MTUS1: variants seen among roughly 807,000 people sequenced by gnomAD.
The protein encoded by MTUS1 is microtubule-associated tumor suppressor 1.
A neutral mutation model predicts 120.8 loss-of-function variants in MTUS1; 109 were observed. The ratio of observed to expected loss-of-function variants is 0.90; its 90% CI spans 0.77 to 1.06. The LOEUF (loss-of-function observed/expected upper bound fraction) is 1.06, where lower values mean the gene tolerates loss of function less well. Ranked by LOEUF, MTUS1 falls within the 50% of genes least tolerant of loss-of-function variation. MTUS1 has a pLI of 0.00. For synonymous variants in MTUS1, 737 were observed against 550.5 expected (o/e 1.34, Z -4.74); for missense variants, 2,210 against 1,486.3 (o/e 1.49, Z -8.01).
At chr8:17,739,580 T>C (rs2047167870) in intron 3 of MTUS1, among the ~76,000 whole-genome samples, 1 of 152,222 alleles carries the variant, frequency 6.6e-6, no homozygotes, top group South Asian at 2.1e-4. Context: ...AATGTGTTGG[T>C]TAACAGCATC....
At chr8:17,713,949 T>C in intron 5 of MTUS1, among the ~76,000 whole-genome samples, 1 of 152,210 alleles carries the variant, frequency 6.6e-6, no homozygotes, top group East Asian at 1.9e-4. Flanking sequence ...CGACATAACC[T>C]ATCCATTCAA....
At chr8:17,727,912 C>T (rs1399015440) in intron 3 of MTUS1, among the ~76,000 whole-genome samples, 1 of 152,164 alleles carries the variant, frequency 6.6e-6, no homozygotes, top group Non-Finnish European at 1.5e-5. Context: ...GATAGTAACA[C>T]AGTCTATTGG....
intron 8 of MTUS1, among the ~76,000 whole-genome samples, chr8:17,659,636 T>TA (rs2130366783): frequency 6.6e-6 from 1 of 152,178 alleles, no homozygotes; most frequent in Non-Finnish European, 1.5e-5. Context: ...AGGCAGAGGT[T>TA]ACAGTGAGCC....
intron 1 of MTUS1, among the ~76,000 whole-genome samples, chr8:17,775,920 C>A (rs1435024291): frequency 6.6e-6 from 1 of 152,192 alleles, no homozygotes; most frequent in South Asian, 2.1e-4. Context: ...GCTTAGGTTC[C>A]TACTGGGCCG....
intron 8 of MTUS1, among the ~76,000 whole-genome samples, chr8:17,672,500 A>C (rs1360560918): frequency 6.6e-6 from 1 of 152,136 alleles, no homozygotes; most frequent in Non-Finnish European, 1.5e-5. Flanking sequence ...TGGGTTCCCA[A>C]CTTTGCTATG....
intron 3 of MTUS1, among the ~76,000 whole-genome samples, chr8:17,739,381 T>C (rs2047152387): frequency 6.6e-6 from 1 of 151,846 alleles, no homozygotes; most frequent in Admixed American, 6.6e-5. Context: ...TAATCCCAGC[T>C]ACTCGGGAGG....
intron 1 of MTUS1, among the ~76,000 whole-genome samples, chr8:17,800,161 A>G (rs78999360): frequency 0.019 from 2,859 of 152,136 alleles, 89 homozygotes; most frequent in African/African-American, 0.066. Context: ...CCAGGAAGCA[A>G]TGACTCTCTT....
intron 8 of MTUS1, among the ~76,000 whole-genome samples, chr8:17,665,392 A>G (rs1810671561): frequency 6.6e-6 from 1 of 152,246 alleles, no homozygotes; most frequent in South Asian, 2.1e-4. Flanking sequence ...TTCATACTTT[A>G]CAAGGTGCTC....
intron 1 of MTUS1, chr8:17,758,296 G>A (rs942908657): frequency 2.0e-5 from 3 of 152,130 alleles, no homozygotes; most frequent in East Asian, 3.9e-4. Flanking sequence ...CAAGCATCCT[G>A]ATACCAGCCT....
chr8:17,742,845 G>C (rs2047443888), intron 3 of MTUS1, among the ~76,000 whole-genome samples: 1 of 152,130 alleles, frequency 6.6e-6, no homozygotes, highest in South Asian at 2.1e-4. Context: ...ATAACTATTT[G>C]TATAAGGGAA....
At chr8:17,674,565 G>A in intron 8 of MTUS1, 4 of 985,936 alleles carry the variant, frequency 4.1e-6, no homozygotes, top group Non-Finnish European at 4.8e-6. Flanking sequence ...TGGGTGGTGG[G>A]TGTTGAGACC....
At chr8:17,720,520 A>G (rs1170030388) in intron 4 of MTUS1, among the ~76,000 whole-genome samples, 41 of 152,188 alleles carry the variant, frequency 2.7e-4, no homozygotes, top group Admixed American at 2.6e-3. Flanking sequence ...GAATGCAAAT[A>G]GCTTTGGTCT....
intron 8 of MTUS1, among the ~76,000 whole-genome samples, chr8:17,657,531 G>A (rs1478652803): frequency 6.6e-6 from 1 of 150,634 alleles, no homozygotes; most frequent in Non-Finnish European, 1.5e-5. Context: ...TCCCGCCACT[G>A]CACTCCAGCC....
At chr8:17,697,341 G>T in intron 6 of MTUS1, 1 of 1,614,176 alleles carries the variant, frequency 6.2e-7, no homozygotes, top group South Asian at 1.1e-5. Flanking sequence ...AGTCGTATGT[G>T]AATGGTGGAT....
chr8:17,681,564 T>C (rs546582079), intron 7 of MTUS1: 1 of 154,824 alleles, frequency 6.5e-6, no homozygotes, highest in Non-Finnish European at 1.5e-5. Flanking sequence ...AGTAAGAATA[T>C]CTGGCACTTA....
intron 3 of MTUS1, among the ~76,000 whole-genome samples, chr8:17,742,133 C>T (rs749391971): frequency 2.6e-5 from 4 of 152,076 alleles, no homozygotes; most frequent in African/African-American, 4.8e-5. Context: ...CTCTGCTGCC[C>T]AGGTTGGAGT....
At chr8:17,681,741 T>C (rs374130106) in intron 7 of MTUS1, 15 of 154,886 alleles carry the variant, frequency 9.7e-5, no homozygotes, top group African/African-American at 3.4e-4. Context: ...AAGGGGCAGT[T>C]GTTGCCAAAT....
intron 1 of MTUS1, among the ~76,000 whole-genome samples, chr8:17,774,968 AAGT>A (rs1256682000): frequency 3.2e-5 from 3 of 94,348 alleles, no homozygotes; most frequent in Non-Finnish European, 4.6e-5. Flanking sequence ...AAAATATTAT[AAGT>A]AAAAAAAAAA....
At chr8:17,693,619 G>T (rs1817392119) in intron 6 of MTUS1, among the ~76,000 whole-genome samples, 1 of 152,156 alleles carries the variant, frequency 6.6e-6, no homozygotes, top group African/African-American at 2.4e-5. Flanking sequence ...TTCTCTGTCG[G>T]AAACACTTTG....
Sources: allele counts gnomAD v4.1 joint callset (sites outside exome capture counted in the v4.1 genomes callset), GRCh38; gene constraint gnomAD v4.1.1; transcripts MANE v1.5; gene names NCBI Gene and HGNC (gene_info 2026-07-23, HGNC 2026-07-21).